SGCZ: variants seen among roughly 807,000 people sequenced by gnomAD.
The protein encoded by SGCZ is sarcoglycan zeta, also known as zeta-sarcoglycan.
Under a neutral mutation model 41.3 loss-of-function variants are expected in SGCZ, and 40 were observed. The ratio of observed to expected loss-of-function variants is 0.97; its 90% CI spans 0.75 to 1.26. The LOEUF (loss-of-function observed/expected upper bound fraction) is 1.26. Among genes scored for constraint, SGCZ ranks in the 50% most tolerant of loss-of-function variants. SGCZ has a pLI of 0.00. For missense variants in SGCZ, 552 were observed against 369.8 expected (o/e 1.49, Z -4.04); for synonymous variants, 206 against 137.5 (o/e 1.50, Z -3.49).
At chr8:14,851,405 A>G (rs956565683) in intron 1 of SGCZ, among the ~76,000 whole-genome samples, 1 of 151,460 alleles carries the variant, frequency 6.6e-6, no homozygotes, top group East Asian at 1.9e-4. Context: ...AAAAGAAAAA[A>G]GAAAAAAGTA....
rs1799177337 is a variant in SGCZ, at chr8:14,740,745, G to A, written c.40-185819C>T. 2.6e-5 allele frequency among the ~76,000 whole-genome samples: 4 copies of A among 152,078 alleles called. No homozygotes were observed. In the South Asian group the frequency reaches 8.3e-4, roughly 32 times the overall value. On this transcript the variant is annotated intron_variant, in intron 1 of 7. Coordinates refer to ENST00000382080, the MANE Select transcript of SGCZ (RefSeq NM_139167.4). ...AATAAAATTATCTATTTAATTTGAG[G>A]ATCATCTCCCCCTTTGCCTGGAGTT...
intron 1 of SGCZ, among the ~76,000 whole-genome samples, chr8:14,840,460 C>T (rs183088035): frequency 3.2e-3 from 493 of 152,064 alleles, no homozygotes; most frequent in African/African-American, 0.011. Flanking sequence ...ATCAACGTTC[C>T]GTGGCCAGGA....
At chr8:14,922,127 T>A (rs1197963093) in intron 1 of SGCZ, among the ~76,000 whole-genome samples, 1 of 152,004 alleles carries the variant, frequency 6.6e-6, no homozygotes, top group East Asian at 1.9e-4. Flanking sequence ...TATCCCTTAG[T>A]CAGCTTCAGA....
chr8:15,234,306 T>C (rs1297669260), intron 1 of SGCZ, among the ~76,000 whole-genome samples: 2 of 152,228 alleles, frequency 1.3e-5, no homozygotes, highest in Non-Finnish European at 2.9e-5. Flanking sequence ...CTTTTTCTAA[T>C]ATCAATATTC....
intron 1 of SGCZ, among the ~76,000 whole-genome samples, chr8:15,097,855 T>TAC (rs1563123978): frequency 8.4e-4 from 8 of 9,580 alleles, no homozygotes; most frequent in South Asian, 5.5e-3. Flanking sequence ...TATATATATA[T>TAC]ACGTGTGTGT....
At chr8:15,123,297 T>C (rs1585587232) in intron 1 of SGCZ, among the ~76,000 whole-genome samples, 2 of 152,238 alleles carry the variant, frequency 1.3e-5, no homozygotes, top group South Asian at 4.1e-4. Flanking sequence ...ATGTATTTTA[T>C]AAAGATTTAT....
At chr8:14,302,806 C>A (rs1040340928) in intron 3 of SGCZ, among the ~76,000 whole-genome samples, 1 of 152,102 alleles carries the variant, frequency 6.6e-6, no homozygotes, top group African/African-American at 2.4e-5. Flanking sequence ...ACAAAACTAC[C>A]AGATACAGAA....
At chr8:15,022,507 C>G (rs1380115019) in intron 1 of SGCZ, among the ~76,000 whole-genome samples, 3 of 152,040 alleles carry the variant, frequency 2.0e-5, no homozygotes, top group African/African-American at 4.8e-5. Flanking sequence ...CCGCGCCCAG[C>G]TAATTTTTGT....
intron 1 of SGCZ, among the ~76,000 whole-genome samples, chr8:14,939,996 A>G (rs909822812): frequency 3.9e-5 from 6 of 152,176 alleles, no homozygotes; most frequent in African/African-American, 1.4e-4. Context: ...CACAGCAGAC[A>G]GTCAATAGAA....
chr8:14,495,779 G>T (rs897908902), intron 2 of SGCZ, among the ~76,000 whole-genome samples: 4 of 151,870 alleles, frequency 2.6e-5, no homozygotes, highest in African/African-American at 4.8e-5. Flanking sequence ...TTAGATAAAC[G>T]TTTTTTTGAA....
intron 2 of SGCZ, among the ~76,000 whole-genome samples, chr8:14,540,996 A>G (rs1049078606): frequency 2.7e-5 from 4 of 150,848 alleles, no homozygotes; most frequent in African/African-American, 7.3e-5. Flanking sequence ...ATGTATATAT[A>G]TGTATATATA....
chr8:14,429,190 G>C (rs1011562703), intron 2 of SGCZ, among the ~76,000 whole-genome samples: 4 of 152,080 alleles, frequency 2.6e-5, no homozygotes, highest in African/African-American at 7.2e-5. Context: ...ACAAATAATA[G>C]TATTTTAGAA....
intron 2 of SGCZ, among the ~76,000 whole-genome samples, chr8:14,430,674 A>G (rs1254792280): frequency 1.3e-5 from 2 of 152,158 alleles, no homozygotes; most frequent in Non-Finnish European, 2.9e-5. Flanking sequence ...TCTTCAACAC[A>G]GTACTTGAAG....
chr8:14,473,659 C>T (rs901673536), intron 2 of SGCZ, among the ~76,000 whole-genome samples: 32 of 151,842 alleles, frequency 2.1e-4, no homozygotes, highest in African/African-American at 7.5e-4. Flanking sequence ...AAAAAGCGGC[C>T]GGGCGAGGTG....
chr8:14,637,810 AT>A (rs1391499127), intron 1 of SGCZ, among the ~76,000 whole-genome samples: 2 of 151,776 alleles, frequency 1.3e-5, no homozygotes, highest in African/African-American at 4.8e-5. Flanking sequence ...TGGTGGAACA[AT>A]TTATGTTTCT....
At chr8:15,207,722 GA>G (rs1469460248) in intron 1 of SGCZ, among the ~76,000 whole-genome samples, 1 of 151,202 alleles carries the variant, frequency 6.6e-6, no homozygotes, top group Non-Finnish European at 1.5e-5. Flanking sequence ...GAAGTGAAAA[GA>G]AGTAGCCAGA....
intron 2 of SGCZ, among the ~76,000 whole-genome samples, chr8:14,534,021 G>C (rs1336136102): frequency 1.3e-5 from 2 of 151,780 alleles, no homozygotes; most frequent in African/African-American, 4.8e-5. Context: ...GCTCAACAAA[G>C]GGCAAAAACT....
chr8:14,456,994 G>A (rs1800764644), intron 2 of SGCZ, among the ~76,000 whole-genome samples: 1 of 152,184 alleles, frequency 6.6e-6, no homozygotes, highest in African/African-American at 2.4e-5. Flanking sequence ...AGAAGCAGAT[G>A]CTTCCAGTGG....
At chr8:14,692,061 C>G (rs1187856488) in intron 1 of SGCZ, among the ~76,000 whole-genome samples, 1 of 151,712 alleles carries the variant, frequency 6.6e-6, no homozygotes, top group Admixed American at 6.6e-5. Flanking sequence ...TCAAGAATGT[C>G]AACAACATAT....
Sources: gnomAD v4.1 joint callset for allele counts (sites outside exome capture counted in the v4.1 genomes callset) on GRCh38, gnomAD v4.1.1 for gene constraint, MANE v1.5 for transcripts, NCBI Gene and HGNC (gene_info 2026-07-23, HGNC 2026-07-21) for gene names.